The following XPO4 variants were observed in gnomAD, a reference collection of about 807,000 sequenced individuals.
XPO4 encodes the protein exportin 4.
Under a neutral mutation model 143.0 loss-of-function variants are expected in XPO4, and 39 were observed. That is an observed-to-expected ratio of 0.27 (90% CI 0.21 to 0.36). The LOEUF (loss-of-function observed/expected upper bound fraction) is 0.36, where lower values mean the gene tolerates loss of function less well. XPO4 is among the 10% of genes least tolerant of loss of function. The probability of loss-of-function intolerance (pLI) is 1.00; values close to 1 mark genes in which losing one functional copy is unlikely to be tolerated. For missense variants in XPO4, 907 were observed against 1,348.0 expected (o/e 0.67, Z 5.12); for synonymous variants, 439 against 474.0 (o/e 0.93, Z 0.96).
chr13:20,891,199 T>C (rs962967569), intron 1 of XPO4, among the ~76,000 whole-genome samples: 2 of 140,984 alleles, frequency 1.4e-5, no homozygotes, highest in Non-Finnish European at 3.0e-5. Context: ...CAGTAGCCAC[T>C]ACCACAGTGG....
At chr13:20,902,485 G>A in intron 1 of XPO4, 185 bp downstream of exon 1, 6 of 985,426 alleles carry the variant, frequency 6.1e-6, no homozygotes, top group Non-Finnish European at 7.2e-6. Context: ...CCTGGAAGGA[G>A]GGGACGACGG....
At chr13:20,881,951 T>C (rs2060414312) in intron 1 of XPO4, among the ~76,000 whole-genome samples, 1 of 150,974 alleles carries the variant, frequency 6.6e-6, no homozygotes, top group Admixed American at 6.6e-5. Flanking sequence ...CTACTAAAAA[T>C]ACAAAAAAAT....
At chr13:20,794,060 T>C (rs1480959009) in intron 18 of XPO4, among the ~76,000 whole-genome samples, 1 of 152,226 alleles carries the variant, frequency 6.6e-6, no homozygotes, top group Non-Finnish European at 1.5e-5. Context: ...TTTACTTCTA[T>C]TATAATCCTT....
At chr13:20,862,975 T>C in intron 2 of XPO4, 117 bp from the exon 3 acceptor site, 1 of 1,493,774 alleles carries the variant, frequency 6.7e-7, no homozygotes, top group Non-Finnish European at 8.9e-7. Context: ...TTACCTGTTC[T>C]TTTTTTTATC....
intron 9 of XPO4, among the ~76,000 whole-genome samples, chr13:20,816,915 T>C (rs905156815): frequency 6.6e-6 from 1 of 152,262 alleles, no homozygotes; most frequent in Non-Finnish European, 1.5e-5. Context: ...AGTATACTTT[T>C]AATGTGCAAG....
At chr13:20,784,137 T>TA (rs1475630349) in intron 22 of XPO4, among the ~76,000 whole-genome samples, 1 of 152,240 alleles carries the variant, frequency 6.6e-6, no homozygotes, top group Admixed American at 6.5e-5. Context: ...GTACTGTTTC[T>TA]ATTCCCATTC....
intron 6 of XPO4, among the ~76,000 whole-genome samples, chr13:20,835,385 C>T (rs1167514987): frequency 6.6e-6 from 1 of 152,096 alleles, no homozygotes; most frequent in African/African-American, 2.4e-5. Context: ...CACTGTGTTC[C>T]TCCATTTTGA....
chr13:20,860,136 T>C (rs992352419), intron 3 of XPO4, among the ~76,000 whole-genome samples: 2 of 152,186 alleles, frequency 1.3e-5, no homozygotes, highest in African/African-American at 4.8e-5. Flanking sequence ...ACACCAACCA[T>C]ATGAGATGGG....
chr13:20,834,578 A>C (rs1199637314), intron 6 of XPO4, among the ~76,000 whole-genome samples: 1 of 152,122 alleles, frequency 6.6e-6, no homozygotes, highest in Admixed American at 6.5e-5. Context: ...GTCTCAAAAA[A>C]AAAATGTACT....
chr13:20,883,321 A>G (rs1224599130), intron 1 of XPO4, among the ~76,000 whole-genome samples: 2 of 152,252 alleles, frequency 1.3e-5, no homozygotes, highest in East Asian at 3.9e-4. Context: ...GCATTCCAAA[A>G]TTGATGAGAA....
At chr13:20,888,563 C>A (rs1157818135) in intron 1 of XPO4, among the ~76,000 whole-genome samples, 1 of 152,034 alleles carries the variant, frequency 6.6e-6, no homozygotes, top group Non-Finnish European at 1.5e-5. Context: ...CGCCATGTTG[C>A]CCACTCTAGT....
chr13:20,896,996 A>G (rs2060575690), intron 1 of XPO4, among the ~76,000 whole-genome samples: 1 of 152,214 alleles, frequency 6.6e-6, no homozygotes, highest in African/African-American at 2.4e-5. Flanking sequence ...AATTAGTGTG[A>G]CACAAGTCCA....
intron 3 of XPO4, 27 bp downstream of exon 3, chr13:20,862,690 T>G: frequency 6.2e-7 from 1 of 1,612,962 alleles, no homozygotes; most frequent in Non-Finnish European, 8.5e-7. Flanking sequence ...GCAAAAGTAT[T>G]TCAGCAGTCC....
At chr13:20,880,958 C>CAAA (rs35117619) in intron 1 of XPO4, among the ~76,000 whole-genome samples, 1 of 136,960 alleles carries the variant, frequency 7.3e-6, no homozygotes, top group Non-Finnish European at 1.6e-5. Context: ...ACCCTGCCTC[C>CAAA]AAAAAAAAAA....
chr13:20,869,477 A>G, intron 1 of XPO4: 1 of 964,240 alleles, frequency 1.0e-6, no homozygotes, highest in Non-Finnish European at 1.2e-6. Context: ...GGCTGGAGGT[A>G]GATGGCAGGA....
At position 20,799,321 on chromosome 13, in the gene XPO4, T is replaced by A; in HGVS notation, c.2166A>T (p.Gln722His). 1 of 1,613,558 alleles carries A rather than the reference T, an allele frequency of 6.2e-7. No homozygotes were observed. The highest frequency in any genetic ancestry group is 8.5e-7 in the Non-Finnish European group (1 of 1,179,604). Residue 722 changes from glutamine to histidine, a missense_variant, in exon 16 of 23, where the codon CAA (glutamine) becomes CAT (histidine). Transcript: ENST00000255305. ...TAGCTAAATTCCACCAGTTCTCACA[T>A]TGAATTACTAAGTTTGCCCTACAGG... Reference protein sequence around the residue: ...ERRERANLVIQCENWWNLAKQ... With the variant: ...ERRERANLVIHCENWWNLAKQ...
At position 20,864,228 on chromosome 13, in the gene XPO4, T is replaced by TAA. The variant is rs148868016; in HGVS notation, c.176-1372_176-1371dup. On this transcript the variant is annotated intron_variant, in intron 2 of 22. Transcript: ENST00000255305. Reference sequence around the variant, plus strand: ...AAGATGTGTTTAAAACTCTAGGAGTTAAAAAAAAAGGGGGACCCAGTTCCA... The same window carrying TAA: ...AAGATGTGTTTAAAACTCTAGGAGTTAAAAAAAAAAAGGGGGACCCAGTTCCA... Among the ~76,000 whole-genome samples, 559 of 149,996 alleles carry TAA rather than the reference T, an allele frequency of 3.7e-3. 9 individuals are homozygous for TAA. Among genetic ancestry groups the TAA allele is most frequent in the African/African-American group, 0.013 (529 of 41,012 alleles).
rs1434915701 is a variant in XPO4, at chr13:20,781,511, A to G, written c.*2211T>C. The stretch of plus-strand genomic sequence containing the variant: ...GGTCTTTTTAAACTAAAACTAGTCT[A>G]ATGAAATTACACCTCAGGAATATGG... On this transcript the variant is annotated 3_prime_UTR_variant, in exon 23 of 23. Coordinates refer to ENST00000255305, the MANE Select transcript of XPO4 (RefSeq NM_022459.5). 2 of 152,660 alleles carry G rather than the reference A, an allele frequency of 1.3e-5. No individual in the cohort carries two copies. The highest frequency in any genetic ancestry group is 2.9e-5 in the Non-Finnish European group (2 of 68,038). 9.5% of individuals were successfully genotyped at this position (152,660 alleles called of 1,614,324 possible).
intron 1 of XPO4, among the ~76,000 whole-genome samples, chr13:20,886,599 C>A (rs982431276): frequency 6.6e-6 from 1 of 150,890 alleles, no homozygotes; most frequent in African/African-American, 2.4e-5. Context: ...GGCAACAGAA[C>A]AAGACTCTGT....
Sources: gnomAD v4.1 joint callset for allele counts (sites outside exome capture counted in the v4.1 genomes callset) on GRCh38, gnomAD v4.1.1 for gene constraint, MANE v1.5 for transcripts, NCBI Gene and HGNC (gene_info 2026-07-23, HGNC 2026-07-21) for gene names.